SLC24A2: variants seen among roughly 807,000 people sequenced by gnomAD.
SLC24A2 encodes sodium/potassium/calcium exchanger 2.
Under a neutral mutation model 62.0 loss-of-function variants are expected in SLC24A2, and 36 were observed. The ratio of observed to expected loss-of-function variants is 0.58; its 90% confidence interval spans 0.44 to 0.77. SLC24A2 has a LOEUF of 0.77. Ranked by LOEUF, SLC24A2 falls within the 30% of genes least tolerant of loss-of-function variation. The pLI, the probability that SLC24A2 is intolerant of heterozygous loss-of-function variation, is 0.00. For missense variants in SLC24A2, 846 were observed against 817.9 expected, an observed-to-expected ratio of 1.03 and a Z score of -0.42; for synonymous variants, 358 against 294.0, an observed-to-expected ratio of 1.22 and a Z score of -2.23.
At chr9:19,742,614 T>C (rs1199306905) in intron 2 of SLC24A2, among the ~76,000 whole-genome samples, 14 of 152,156 alleles carry the variant, frequency 9.2e-5, no homozygotes. Flanking sequence ...TTTAAGTGTA[T>C]AATAAGTGGC....
the SLC24A2 span, among the ~76,000 whole-genome samples, chr9:19,902,124 G>C: frequency 6.6e-6 from 1 of 152,078 alleles, no homozygotes; most frequent in Non-Finnish European, 1.5e-5. Context: ...GTCTGTTCCG[G>C]CTACTTTAAC....
chr9:19,928,519 C>T, the SLC24A2 span: 1 of 152,194 alleles, frequency 6.6e-6, no homozygotes, highest in African/African-American at 2.4e-5. Context: ...TTCTTTTGCT[C>T]CCTGCTCACT....
chr9:20,302,215 C>T, the SLC24A2 span, among the ~76,000 whole-genome samples: 1 of 152,156 alleles, frequency 6.6e-6, no homozygotes, highest in Non-Finnish European at 1.5e-5. Context: ...GGTTTTTGTA[C>T]AATTTTCAGC....
chr9:20,238,319 C>T, the SLC24A2 span, among the ~76,000 whole-genome samples: 3 of 152,138 alleles, frequency 2.0e-5, no homozygotes, highest in South Asian at 2.1e-4. Context: ...GCACCTTTTG[C>T]ACAGTAAAGC....
chr9:19,981,604 A>G, the SLC24A2 span, among the ~76,000 whole-genome samples: 2 of 152,172 alleles, frequency 1.3e-5, no homozygotes, highest in Non-Finnish European at 2.9e-5. Context: ...AACAATTCCC[A>G]CATGCAATCA....
At chr9:20,097,356 G>C in the SLC24A2 span, among the ~76,000 whole-genome samples, 1 of 152,160 alleles carries the variant, frequency 6.6e-6, no homozygotes, top group Non-Finnish European at 1.5e-5. Context: ...AGTCAGCAAA[G>C]ATTCACCACC....
At chr9:19,764,445 G>A (rs981596599) in intron 2 of SLC24A2, among the ~76,000 whole-genome samples, 2 of 152,150 alleles carry the variant, frequency 1.3e-5, no homozygotes, top group African/African-American at 4.8e-5. Flanking sequence ...ATTTAGTGCT[G>A]TGAATTTCCC....
chr9:19,598,902 CCT>C (rs1228970368), intron 4 of SLC24A2, among the ~76,000 whole-genome samples: 4 of 152,154 alleles, frequency 2.6e-5, no homozygotes, highest in Non-Finnish European at 4.4e-5. Flanking sequence ...TGTTTTGTGA[CCT>C]CTCTTCCTTC....
chr9:20,041,371 G>GT, the SLC24A2 span, among the ~76,000 whole-genome samples: 1 of 152,218 alleles, frequency 6.6e-6, no homozygotes, highest in African/African-American at 2.4e-5. Context: ...ACCGACACAT[G>GT]TTTTTGCTAG....
At chr9:19,602,156 CTTTCACA>C (rs1204302958) in intron 4 of SLC24A2, among the ~76,000 whole-genome samples, 2 of 152,180 alleles carry the variant, frequency 1.3e-5, no homozygotes, top group African/African-American at 4.8e-5. Flanking sequence ...GTAAGATAGC[CTTTCACA>C]ACCTTAGTTT....
the SLC24A2 span, among the ~76,000 whole-genome samples, chr9:20,052,281 G>A: frequency 2.0e-5 from 3 of 152,214 alleles, no homozygotes; most frequent in Admixed American, 2.0e-4. Context: ...CCTTCTATGA[G>A]TTCATGGCCT....
chr9:19,681,901 G>A (rs992012831), intron 2 of SLC24A2, among the ~76,000 whole-genome samples: 1 of 152,138 alleles, frequency 6.6e-6, no homozygotes, highest in South Asian at 2.1e-4. Flanking sequence ...AGTATATTAT[G>A]TTCGCAGAAT....
intron 5 of SLC24A2, among the ~76,000 whole-genome samples, chr9:19,594,340 G>A (rs559940076): frequency 1.3e-5 from 2 of 152,128 alleles, no homozygotes; most frequent in South Asian, 2.1e-4. Context: ...TACACAATAG[G>A]TGCTTAAAAA....
At chr9:19,933,071 TG>T in the SLC24A2 span, among the ~76,000 whole-genome samples, 2 of 152,174 alleles carry the variant, frequency 1.3e-5, no homozygotes, top group African/African-American at 4.8e-5. Context: ...AGGATGGACT[TG>T]GGGAAGAGGC....
At chr9:19,794,686 C>T in the SLC24A2 span, among the ~76,000 whole-genome samples, 1 of 152,044 alleles carries the variant, frequency 6.6e-6, no homozygotes. Context: ...CAACCCTTGG[C>T]TACTATTCCT....
the SLC24A2 span, among the ~76,000 whole-genome samples, chr9:20,095,675 C>A: frequency 6.6e-6 from 1 of 151,892 alleles, no homozygotes; most frequent in Non-Finnish European, 1.5e-5. Context: ...TGAGCCAATT[C>A]CTTATTTTTA....
chr9:20,277,199 T>C, the SLC24A2 span, among the ~76,000 whole-genome samples: 9 of 151,992 alleles, frequency 5.9e-5, no homozygotes, highest in Non-Finnish European at 1.2e-4. Context: ...GACTAAAACA[T>C]CAAAAGCAAT....
At chr9:19,693,489 A>C (rs563330823) in intron 2 of SLC24A2, among the ~76,000 whole-genome samples, 1 of 152,258 alleles carries the variant, frequency 6.6e-6, no homozygotes, top group East Asian at 1.9e-4. Flanking sequence ...CCCTGTCTAA[A>C]ACCAAGGACA....
intron 2 of SLC24A2, among the ~76,000 whole-genome samples, chr9:19,637,292 G>C (rs770716970): frequency 1.3e-5 from 2 of 152,252 alleles, no homozygotes; most frequent in Non-Finnish European, 2.9e-5. Context: ...ACTCTATTCA[G>C]TGGGCAGAGA....
Sources: allele counts gnomAD v4.1 joint callset (sites outside exome capture counted in the v4.1 genomes callset), GRCh38; gene constraint gnomAD v4.1.1; transcripts MANE v1.5; gene names NCBI Gene and HGNC (gene_info 2026-07-23, HGNC 2026-07-21).